The following TRAF7 variants were observed in gnomAD, a reference collection of about 807,000 sequenced individuals.
TRAF7 encodes E3 ubiquitin-protein ligase TRAF7.
In TRAF7, 45 loss-of-function variants were observed where a neutral mutation model predicts 89.3. That is an observed-to-expected ratio of 0.50 (90% CI 0.40 to 0.65). The LOEUF (loss-of-function observed/expected upper bound fraction) is 0.65, where lower values mean the gene tolerates loss of function less well. Ranked by LOEUF, TRAF7 falls within the 30% of genes least tolerant of loss-of-function variation. TRAF7 has a pLI of 0.00. For synonymous variants in TRAF7, 406 were observed against 369.2 expected, an observed-to-expected ratio of 1.10 and a Z score of -1.14; for missense variants, 677 against 918.1, an observed-to-expected ratio of 0.74 and a Z score of 3.39.
rs1257968993 is a variant in TRAF7, at chr16:2,159,888, C to A, written c.-38-3995C>A. 6.6e-6 allele frequency among the ~76,000 whole-genome samples: 1 copy of A among 152,236 alleles called. No homozygotes were observed. Among genetic ancestry groups the A allele is most frequent in the Non-Finnish European group, 1.5e-5 (1 of 68,024 alleles). On this transcript the variant is annotated intron_variant, in intron 1 of 20. Transcript: ENST00000326181. This position sits in a 1 kb window ranked among gnomAD's most constrained non-coding sequence, Gnocchi z 6.5. ...CCCCCATCTCCCCCACTCAGCAGGG[C>A]CCCCCAGGCTGCTGCCAAGTGGGCG...
At chr16:2,174,109 G>A (rs2093125432) in intron 13 of TRAF7, 61 bp downstream of exon 13, 1 of 1,606,316 alleles carries the variant, frequency 6.2e-7, no homozygotes, top group Non-Finnish European at 8.5e-7. Flanking sequence ...CCACATGCCT[G>A]GCACTGCCAG....
Position 2,175,401 on chromosome 16 carries a change from C to A in TRAF7, c.1487C>A (p.Ser496Tyr). The change falls in exon 16 of 21, where the codon TCC becomes TAC. Residue 496 changes from serine (S) to tyrosine (Y), a missense_variant. Coordinates refer to ENST00000326181, the MANE Select transcript of TRAF7 (RefSeq NM_032271.3). ...VSSHNVLFSG[S>Y]LKAIKVWDIV... Reference sequence around the variant, plus strand: ...TCACACAACGTGCTCTTCAGCGGCTCCCTGAAGGCCATCAAGGTACGGGTG... The same window carrying A: ...TCACACAACGTGCTCTTCAGCGGCTACCTGAAGGCCATCAAGGTACGGGTG... 1 of 1,613,580 alleles carries A rather than the reference C, an allele frequency of 6.2e-7. No homozygotes were observed. The highest frequency in any genetic ancestry group is 8.5e-7 in the Non-Finnish European group (1 of 1,179,950).
Position 2,173,323 on chromosome 16 carries a change from C to T in TRAF7, c.936C>T (p.Ile312=), listed in dbSNP as rs751737047. The change falls in exon 10 of 21, where the codon ATC becomes ATT. Residue 312 remains isoleucine (I), a synonymous_variant. Transcript: ENST00000326181. ...CTCTGGCCCAGAAGGACCAGGAGAT[C>T]GCCTTCCTGCGCTCCATGCTGGGAA... ...HVALAQKDQE[I]AFLRSMLGKL... 1.8e-5 allele frequency: 29 copies of T among 1,613,576 alleles called. No homozygotes were observed. The highest frequency in any genetic ancestry group is 2.2e-5 in the Non-Finnish European group (26 of 1,180,004).
chr16:2,166,696 C>G (rs192843356), intron 3 of TRAF7, among the ~76,000 whole-genome samples: 1 of 152,226 alleles, frequency 6.6e-6, no homozygotes. Context: ...GCCAGCAAGC[C>G]AAGCCCAATA....
At position 2,159,987 on chromosome 16, in the gene TRAF7, C is replaced by T. The variant is rs2093050838; in HGVS notation, c.-38-3896C>T. 6.6e-6 allele frequency among the ~76,000 whole-genome samples: 1 copy of T among 152,250 alleles called. No homozygotes were observed. The highest frequency in any genetic ancestry group is 2.4e-5 in the African/African-American group (1 of 41,472). On this transcript the variant is annotated intron_variant, in intron 1 of 20. Transcript: ENST00000326181. This position sits in a 1 kb window ranked among gnomAD's most constrained non-coding sequence, Gnocchi z 6.5. ...TGGGTGTCCGCATCCCACATGCCCCCAGGGCGATGCCCCAGCAGAGCCCTC... is the reference window on the plus strand; with the variant it reads ...TGGGTGTCCGCATCCCACATGCCCCTAGGGCGATGCCCCAGCAGAGCCCTC...
chr16:2,164,184 G>C, intron 2 of TRAF7, among the ~76,000 whole-genome samples, 183 bp downstream of exon 2: 1 of 135,748 alleles, frequency 7.4e-6, no homozygotes, highest in East Asian at 2.2e-4. Context: ...GCGCGCGCAC[G>C]CGTGCGTGTG....
intron 2 of TRAF7, among the ~76,000 whole-genome samples, 158 bp downstream of exon 2, chr16:2,164,159 TGCGCGCGCGCGCGCGCGC>T (rs61245743): frequency 3.2e-5 from 4 of 126,078 alleles, no homozygotes; most frequent in South Asian, 2.6e-4. Flanking sequence ...TGTGTGTGTG[TGCGCGCGCGCGCGCGCGC>T]GCGCACGCGT....
chr16:2,164,552 T>C (rs1426077517), intron 2 of TRAF7, among the ~76,000 whole-genome samples: 17 of 112,112 alleles, frequency 1.5e-4, no homozygotes, highest in South Asian at 6.6e-4. Flanking sequence ...CTGCGTGGCC[T>C]GGCCTGGTCG....
At chr16:2,160,708 A>AC (rs1032629085) in intron 1 of TRAF7, among the ~76,000 whole-genome samples, 2 of 151,722 alleles carry the variant, frequency 1.3e-5, no homozygotes, top group African/African-American at 2.4e-5. Context: ...TATGGAACAC[A>AC]CCCCCACTTC....
Position 2,177,967 on chromosome 16 carries a change from G to A in TRAF7, c.*1393G>A. Reference sequence around the variant, plus strand: ...ACAGCCTGGGCCTCTAACAGCTTTTGTCCGGAGCTAGACTTCGTGTCCTTT... The same window carrying A: ...ACAGCCTGGGCCTCTAACAGCTTTTATCCGGAGCTAGACTTCGTGTCCTTT... On this transcript the variant is annotated 3_prime_UTR_variant, in exon 21 of 21. Coordinates refer to ENST00000326181, the MANE Select transcript of TRAF7 (RefSeq NM_032271.3). 2.7e-6 allele frequency: 1 copy of A among 371,746 alleles called. No individual in the cohort carries two copies. The highest frequency in any genetic ancestry group is 5.1e-6 in the Non-Finnish European group (1 of 197,944). 23.0% of individuals were successfully genotyped at this position (371,746 alleles called of 1,614,324 possible).
At position 2,177,962 on chromosome 16, in the gene TRAF7, C is replaced by T. The variant is rs2093147811; in HGVS notation, c.*1388C>T. 1 of 369,802 alleles carries T rather than the reference C, an allele frequency of 2.7e-6. No individual in the cohort carries two copies. The highest frequency in any genetic ancestry group is 2.6e-5 in the South Asian group (1 of 37,938). 22.9% of individuals were successfully genotyped at this position (369,802 alleles called of 1,614,324 possible). On this transcript the variant is annotated 3_prime_UTR_variant, in exon 21 of 21. Coordinates refer to ENST00000326181, the MANE Select transcript of TRAF7 (RefSeq NM_032271.3). ...GGCAGACAGCCTGGGCCTCTAACAGCTTTTGTCCGGAGCTAGACTTCGTGT... is the reference window on the plus strand; with the variant it reads ...GGCAGACAGCCTGGGCCTCTAACAGTTTTTGTCCGGAGCTAGACTTCGTGT...
At position 2,164,139 on chromosome 16, in the gene TRAF7, G is replaced by GGTGTGTGTGTGTGTGTGT. The variant is rs376580813; in HGVS notation, c.81+142_81+159dup. 3.6e-3 allele frequency: 1,972 copies of GGTGTGTGTGTGTGTGTGT among 542,984 alleles called. 4 individuals carry two copies. Among genetic ancestry groups the GGTGTGTGTGTGTGTGTGT allele is most frequent in the Admixed American group, 4.5e-3 (131 of 29,122 alleles). The allele number at this position is 542,984 out of a possible 1,614,324, so 33.6% of individuals were successfully genotyped here. On this transcript the variant is annotated intron_variant, in intron 2 of 20. Coordinates refer to ENST00000326181, the MANE Select transcript of TRAF7 (RefSeq NM_032271.3). ...AGGGGAGCTCGGTGGGGGGGGGTGT[G>GGTGTGTGTGTGTGTGTGT]GTGTGTGTGTGTGTGTGTGTGCGCG...
chr16:2,166,377 A>G (rs930368641), intron 3 of TRAF7, among the ~76,000 whole-genome samples: 1 of 152,152 alleles, frequency 6.6e-6, no homozygotes, highest in Non-Finnish European at 1.5e-5. Flanking sequence ...TGACATGTTA[A>G]TAGGAAGGGA....
rs1301583869 is a variant in TRAF7 at position 2,177,698 on chromosome 16, C to G, written c.*1124C>G. On this transcript the variant is annotated 3_prime_UTR_variant, in exon 21 of 21. Coordinates refer to ENST00000326181, the MANE Select transcript of TRAF7 (RefSeq NM_032271.3). ...CCTGGCCTGCTACATGCCCTGCTTC[C>G]ACGTGGCTGCCACGCTGACACACCC... The G allele has an allele frequency of 1.2e-5, 3 of 243,888 alleles. No individual in the cohort carries two copies. Among genetic ancestry groups the G allele is most frequent in the African/African-American group, 2.2e-5 (1 of 45,142 alleles). 15.1% of individuals were successfully genotyped at this position (243,888 alleles called of 1,614,324 possible). A position where few individuals can be genotyped will look rare whatever the true frequency, so the allele number is the denominator to read the frequency against.
At chr16:2,164,151 T>TGC in intron 2 of TRAF7, 150 bp downstream of exon 2, 4 of 559,516 alleles carry the variant, frequency 7.1e-6, no homozygotes, top group Non-Finnish European at 9.2e-6. Flanking sequence ...TGTGTGTGTG[T>TGC]GTGTGTGTGC....
chr16:2,172,087 G>A, intron 7 of TRAF7, 104 bp from the exon 8 acceptor site: 2 of 1,416,058 alleles, frequency 1.4e-6, no homozygotes, highest in South Asian at 1.2e-5. Flanking sequence ...GTGCCTCAGA[G>A]GCGCAGATGG....
intron 3 of TRAF7, among the ~76,000 whole-genome samples, chr16:2,167,279 T>G (rs1338300823): frequency 6.6e-6 from 1 of 152,058 alleles, no homozygotes; most frequent in Non-Finnish European, 1.5e-5. Flanking sequence ...ACCTGGCCCC[T>G]CATGACAGAT....
Position 2,163,898 on chromosome 16 carries a change from G to A in TRAF7, c.-23G>A. ...CCACCCACAGGAGGTGCTTCCCAAG[G>A]ACCGTAGATGCCTCTCTAGAGCATG... On this transcript the variant is annotated 5_prime_UTR_variant, in exon 2 of 21. Coordinates refer to ENST00000326181, the MANE Select transcript of TRAF7 (RefSeq NM_032271.3). The surrounding 1 kb of genome is among the most constrained non-coding windows in gnomAD (Gnocchi z 4.3). The A allele has an allele frequency of 6.2e-7, 1 of 1,608,200 alleles. No homozygotes were observed. The highest frequency in any genetic ancestry group is 1.7e-4 in the Middle Eastern group (1 of 6,054).
rs759319007 is a variant in TRAF7 at position 2,175,433 on chromosome 16, G to A, written c.1503+16G>A. ...GGCCATCAAGGTACGGGTGGAGGCT[G>A]TGCCTACGTGTGTGTCACTGAGGCG... is the stretch of plus-strand genomic sequence containing the variant. On this transcript the variant is annotated intron_variant, in intron 16 of 20. Transcript: ENST00000326181. The A allele has an allele frequency of 6.2e-7, 1 of 1,612,622 alleles. No homozygotes were observed. The highest frequency in any genetic ancestry group is 8.5e-7 in the Non-Finnish European group (1 of 1,179,208).
Sources: allele counts gnomAD v4.1 joint callset (sites outside exome capture counted in the v4.1 genomes callset), GRCh38; gene constraint gnomAD v4.1.1; non-coding constraint Gnocchi (gnomAD v3.1); transcripts MANE v1.5; gene names NCBI Gene and HGNC (gene_info 2026-07-23, HGNC 2026-07-21).